Variants in ABCD2 observed in about 807,000 individuals in gnomAD.
ABCD2 encodes the protein ATP-binding cassette sub-family D member 2.
A neutral mutation model predicts 70.9 loss-of-function variants in ABCD2; 36 were observed. That is an observed-to-expected ratio of 0.51 (90% CI 0.39 to 0.67). ABCD2 has a LOEUF of 0.67. ABCD2 is among the 30% of genes least tolerant of loss of function. The pLI, the probability that ABCD2 is intolerant of heterozygous loss-of-function variation, is 0.00. For synonymous variants in ABCD2, 304 were observed against 306.9 expected (o/e 0.99, Z 0.10); for missense variants, 729 against 890.2 (o/e 0.82, Z 2.30).
intron 5 of ABCD2, 94 bp downstream of exon 5, chr12:39,603,818 C>T: frequency 1.1e-6 from 1 of 886,664 alleles, no homozygotes; most frequent in Non-Finnish European, 1.8e-6. Context: ...TTTCCAAATG[C>T]TCCTCCAAGT....
At chr12:39,534,898 AAGAAAGAAAG>A in the ABCD2 span, among the ~76,000 whole-genome samples, 4 of 61,556 alleles carry the variant, frequency 6.5e-5, no homozygotes, top group African/African-American at 6.1e-4. Flanking sequence ...GAAAGAAAGA[AAGAAAGAAAG>A]AAAGAAAGAA....
chr12:39,613,612 T>C (rs1942077469), intron 2 of ABCD2, among the ~76,000 whole-genome samples: 1 of 152,154 alleles, frequency 6.6e-6, no homozygotes, highest in South Asian at 2.1e-4. Context: ...ATCTTCCTTA[T>C]AGAATAAGTT....
At chr12:39,584,182 A>G (rs1591982688) in intron 7 of ABCD2, among the ~76,000 whole-genome samples, 1 of 152,080 alleles carries the variant, frequency 6.6e-6, no homozygotes, top group Non-Finnish European at 1.5e-5. Context: ...ACATCTTGTT[A>G]TTTTTTGACT....
At chr12:39,562,496 AAAG>A (rs1298654426) in intron 9 of ABCD2, among the ~76,000 whole-genome samples, 5 of 152,094 alleles carry the variant, frequency 3.3e-5, no homozygotes, top group African/African-American at 4.8e-5. Context: ...AGAGATTAAA[AAAG>A]AGAAATTATA....
chr12:39,566,263 G>GT (rs904070065), intron 9 of ABCD2, among the ~76,000 whole-genome samples: 77 of 152,074 alleles, frequency 5.1e-4, no homozygotes, highest in African/African-American at 1.8e-3. Context: ...TGGTCCTGGA[G>GT]TTTTTTTGGT....
At chr12:39,576,342 G>A (rs958463484) in intron 8 of ABCD2, among the ~76,000 whole-genome samples, 1 of 151,698 alleles carries the variant, frequency 6.6e-6, no homozygotes, top group Admixed American at 6.6e-5. Context: ...TTTAATTTTT[G>A]TAGAGACGGG....
chr12:39,575,496 G>A (rs1343469994), intron 8 of ABCD2, among the ~76,000 whole-genome samples: 3 of 152,130 alleles, frequency 2.0e-5, no homozygotes, highest in Non-Finnish European at 4.4e-5. Context: ...AGTAGAATGG[G>A]CTTCGTGAAG....
downstream of ABCD2, among the ~76,000 whole-genome samples, chr12:39,549,526 G>A (rs544980399): frequency 7.9e-5 from 12 of 151,770 alleles, no homozygotes; most frequent in African/African-American, 2.9e-4. Flanking sequence ...GACAACCAGG[G>A]CCTCAAAACT....
rs150271030 is a variant in ABCD2 at position 39,574,815 on chromosome 12, A to T, written c.1878-974T>A. 8.5e-4 allele frequency among the ~76,000 whole-genome samples: 129 copies of T among 152,330 alleles called. No individual in the cohort carries two copies. In the South Asian group the frequency reaches 9.3e-3, roughly 11 times the overall value. ...AATCAGTAATTTCTTATCAGAATAAATCATTATTTGCCTTGTAAGTTACTG... is the reference window on the plus strand; with the variant it reads ...AATCAGTAATTTCTTATCAGAATAATTCATTATTTGCCTTGTAAGTTACTG... On this transcript the variant is annotated intron_variant, in intron 8 of 9. Coordinates refer to ENST00000308666, the MANE Select transcript of ABCD2 (RefSeq NM_005164.4).
intron 9 of ABCD2, among the ~76,000 whole-genome samples, chr12:39,558,629 AT>A (rs775190984): frequency 2.6e-4 from 39 of 152,108 alleles, no homozygotes; most frequent in Non-Finnish European, 4.7e-4. Flanking sequence ...TCCTGAGTTC[AT>A]TCTCCTTCCT....
intron 9 of ABCD2, among the ~76,000 whole-genome samples, chr12:39,565,418 T>C (rs1395933915): frequency 1.3e-5 from 2 of 152,224 alleles, no homozygotes; most frequent in Non-Finnish European, 2.9e-5. Flanking sequence ...ACTCATGATT[T>C]GGCTCTCTGT....
At chr12:39,605,533 AT>A (rs11379944) in intron 3 of ABCD2, among the ~76,000 whole-genome samples, 24 of 151,594 alleles carry the variant, frequency 1.6e-4, no homozygotes, top group Admixed American at 2.0e-4. Flanking sequence ...CATTAAATAT[AT>A]TTTTTTTTCT....
At chr12:39,609,231 T>C (rs1942013244) in intron 2 of ABCD2, among the ~76,000 whole-genome samples, 1 of 152,148 alleles carries the variant, frequency 6.6e-6, no homozygotes, top group South Asian at 2.1e-4. Context: ...TGGAGAATTA[T>C]GGTTAAGAGT....
intron 6 of ABCD2, among the ~76,000 whole-genome samples, chr12:39,587,355 C>A (rs1566562425): frequency 6.6e-6 from 1 of 152,072 alleles, no homozygotes; most frequent in Non-Finnish European, 1.5e-5. Context: ...CTTATTGAAC[C>A]AGATAATTCT....
At chr12:39,563,140 T>A (rs1461847188) in intron 9 of ABCD2, among the ~76,000 whole-genome samples, 1 of 152,110 alleles carries the variant, frequency 6.6e-6, no homozygotes, top group Non-Finnish European at 1.5e-5. Flanking sequence ...CTCAACAAAC[T>A]AAGCATAGGA....
In ABCD2 at chr12:39,613,111, G is replaced by A. The variant is rs1942066797; in HGVS notation, c.1120+3877C>T. On this transcript the variant is annotated intron_variant, in intron 2 of 9. Coordinates refer to ENST00000308666, the MANE Select transcript of ABCD2 (RefSeq NM_005164.4). Reference sequence around the variant, plus strand: ...TTAAAGAATTGAGGTTGTGGGCCGGGCGCGGTGGCTCACGCCTGTAATCCC... The same window carrying A: ...TTAAAGAATTGAGGTTGTGGGCCGGACGCGGTGGCTCACGCCTGTAATCCC... Among the ~76,000 whole-genome samples the A allele has an allele frequency of 5.7e-5, 5 of 87,692 alleles. 1 individual carries two copies. The South Asian group carries it at 8.8e-4, about 15-fold the overall frequency. The allele number at this position is 87,692 out of a possible 152,430, so 57.5% of individuals were successfully genotyped here. A position where few individuals can be genotyped will look rare whatever the true frequency, so the allele number is the denominator to read the frequency against.
At chr12:39,618,147 C>T (rs374769256) in intron 1 of ABCD2, among the ~76,000 whole-genome samples, 158 of 151,930 alleles carry the variant, frequency 1.0e-3, no homozygotes, top group Non-Finnish European at 1.6e-3. Flanking sequence ...CACTCTCCTA[C>T]GCTTCTTGGG....
chr12:39,614,376 A>G (rs779570517), intron 2 of ABCD2, among the ~76,000 whole-genome samples: 28 of 152,218 alleles, frequency 1.8e-4, no homozygotes, highest in Non-Finnish European at 1.5e-4. Flanking sequence ...TATAGTTAAG[A>G]TAGGAAAACT....
intron 3 of ABCD2, among the ~76,000 whole-genome samples, chr12:39,605,754 A>G (rs962455496): frequency 6.6e-5 from 10 of 152,196 alleles, no homozygotes; most frequent in Non-Finnish European, 1.3e-4. Context: ...ACAAGAACTA[A>G]GGATAGTTCT....
Sources: allele counts gnomAD v4.1 joint callset (sites outside exome capture counted in the v4.1 genomes callset), GRCh38; gene constraint gnomAD v4.1.1; transcripts MANE v1.5; gene names NCBI Gene and HGNC (gene_info 2026-07-23, HGNC 2026-07-21).